Variants in SLC9C1 observed in about 807,000 individuals in gnomAD.
The protein encoded by SLC9C1 is sodium/hydrogen exchanger 10.
SLC9C1 carries 97 observed loss-of-function variants against 140.9 expected under a neutral mutation model. The observed-to-expected ratio is 0.69, with a 90% CI of 0.58 to 0.82. SLC9C1 has a LOEUF of 0.82. Among genes scored for constraint, SLC9C1 ranks in the 40% least tolerant of loss-of-function variants. SLC9C1 has a pLI of 0.00. For synonymous variants in SLC9C1, 440 were observed against 442.6 expected (o/e 0.99, Z 0.07); for missense variants, 1,340 against 1,389.3 (o/e 0.96, Z 0.56).
Position 112,280,755 on chromosome 3 carries a change from A to G in SLC9C1, c.117T>C (p.Phe39=), listed in dbSNP as rs1174676691. ...ATAATATCACAGGGACAGGAATTGG[A>G]AAGTCTTCCAAGTGCCGGTTCAAAA... The part of the protein sequence containing the change: ...GAFLNRHLED[F]PIPVPVILFL... Residue 39 remains phenylalanine, a synonymous_variant, in exon 3 of 29, where the codon TTT becomes TTC. Transcript: ENST00000305815. 3.7e-6 allele frequency: 6 copies of G among 1,611,560 alleles called. No individual in the cohort carries two copies. Among genetic ancestry groups the G allele is most frequent in the South Asian group, 1.1e-5 (1 of 90,192 alleles).
chr3:112,250,055 C>A (rs184572641), intron 10 of SLC9C1, among the ~76,000 whole-genome samples: 1 of 140,108 alleles, frequency 7.1e-6, no homozygotes, highest in Admixed American at 7.1e-5. Flanking sequence ...TAATGCTATC[C>A]CTCCCCCTCC....
At chr3:112,235,075 C>A (rs547185587) in intron 12 of SLC9C1, among the ~76,000 whole-genome samples, 1 of 149,210 alleles carries the variant, frequency 6.7e-6, no homozygotes, top group Admixed American at 6.8e-5. Context: ...GGCAGTATGG[C>A]CATTTTCACG....
chr3:112,290,034 A>C (rs2080632193), intron 1 of SLC9C1, among the ~76,000 whole-genome samples: 1 of 152,210 alleles, frequency 6.6e-6, no homozygotes, highest in Non-Finnish European at 1.5e-5. Context: ...GTTTAGAAAC[A>C]CTGCTCCAGG....
chr3:112,232,339 A>C (rs937947394), intron 12 of SLC9C1, among the ~76,000 whole-genome samples: 2 of 152,202 alleles, frequency 1.3e-5, no homozygotes, highest in African/African-American at 4.8e-5. Flanking sequence ...TTCAGAGAGT[A>C]GGTGAAAACT....
chr3:112,141,491 G>A (rs1022187908), intron 28 of SLC9C1, among the ~76,000 whole-genome samples: 1 of 151,992 alleles, frequency 6.6e-6, no homozygotes, highest in African/African-American at 2.4e-5. Context: ...ATTTAACCTA[G>A]GAGTCAGAGT....
intron 20 of SLC9C1, among the ~76,000 whole-genome samples, chr3:112,196,365 G>A (rs2077768397): frequency 6.6e-6 from 1 of 151,976 alleles, no homozygotes; most frequent in Admixed American, 6.6e-5. Flanking sequence ...TCTAGATGTG[G>A]TTCTGTTTGT....
chr3:112,219,962 T>A (rs554388201), intron 14 of SLC9C1, among the ~76,000 whole-genome samples: 4 of 152,190 alleles, frequency 2.6e-5, no homozygotes, highest in Non-Finnish European at 5.9e-5. Context: ...CTGTACAATG[T>A]GCACCTTTCT....
intron 12 of SLC9C1, 102 bp from the exon 13 acceptor site, chr3:112,231,588 G>A (rs887839131): frequency 2.6e-5 from 30 of 1,135,920 alleles, no homozygotes; most frequent in Non-Finnish European, 3.2e-5. Context: ...TTGAAAAATG[G>A]TAGCAAATCT....
chr3:112,231,211 A>G, intron 13 of SLC9C1, 150 bp downstream of exon 13: 1 of 698,666 alleles, frequency 1.4e-6, no homozygotes, highest in South Asian at 3.0e-5. Context: ...TTTTCTTTCC[A>G]ATCAAGCAGA....
intron 18 of SLC9C1, 88 bp downstream of exon 18, chr3:112,202,162 C>T (rs908364137): frequency 4.3e-6 from 6 of 1,408,916 alleles, no homozygotes; most frequent in East Asian, 2.3e-5. Context: ...GAGTCAAAGA[C>T]ATCTGCATAT....
chr3:112,191,189 T>C, intron 20 of SLC9C1, among the ~76,000 whole-genome samples: 1 of 152,170 alleles, frequency 6.6e-6, no homozygotes, highest in Non-Finnish European at 1.5e-5. Context: ...ATGAGGATGC[T>C]TTTTATTTCT....
chr3:112,154,995 A>G lies in SLC9C1; in HGVS notation c.3417+2T>C. 1 of 1,609,248 alleles carries G rather than the reference A, an allele frequency of 6.2e-7. No homozygotes were observed. ...CTTTTAGAAAGGCTGCTTTAAATTTACCTCCTTAACATTTCTTTCTTCTTG... is the reference window on the plus strand; with the variant it reads ...CTTTTAGAAAGGCTGCTTTAAATTTGCCTCCTTAACATTTCTTTCTTCTTG... On this transcript the variant is annotated splice_donor_variant, in intron 27 of 28. Coordinates refer to ENST00000305815, the MANE Select transcript of SLC9C1 (RefSeq NM_183061.3). LOFTEE classifies it high-confidence loss of function.
intron 12 of SLC9C1, among the ~76,000 whole-genome samples, chr3:112,232,744 T>C (rs1228669564): frequency 6.6e-6 from 1 of 152,112 alleles, no homozygotes; most frequent in Non-Finnish European, 1.5e-5. Flanking sequence ...AGGACAACTT[T>C]TATTATTTCC....
At chr3:112,195,102 A>G (rs943671525) in intron 20 of SLC9C1, among the ~76,000 whole-genome samples, 2 of 152,180 alleles carry the variant, frequency 1.3e-5, no homozygotes, top group Admixed American at 1.3e-4. Context: ...GTGGTTTTTG[A>G]TGCACACACA....
chr3:112,143,341 A>C (rs189400013), intron 28 of SLC9C1, among the ~76,000 whole-genome samples: 2 of 152,302 alleles, frequency 1.3e-5, no homozygotes, highest in East Asian at 3.9e-4. Flanking sequence ...TGGCTGAACT[A>C]GTTTACATTC....
chr3:112,181,571 A>C (rs1428966291), intron 21 of SLC9C1, among the ~76,000 whole-genome samples: 1 of 152,232 alleles, frequency 6.6e-6, no homozygotes, highest in Non-Finnish European at 1.5e-5. Context: ...ATGAGATAAA[A>C]AATATAGTAG....
chr3:112,150,836 ATATATTT>A (rs1560003648), intron 28 of SLC9C1, among the ~76,000 whole-genome samples: 8 of 47,364 alleles, frequency 1.7e-4, no homozygotes, highest in Admixed American at 5.7e-4. Context: ...ATATATATAT[ATATATTT>A]TTTTTTTTTT....
intron 10 of SLC9C1, among the ~76,000 whole-genome samples, chr3:112,253,854 A>C (rs985511670): frequency 3.9e-5 from 6 of 152,176 alleles, no homozygotes; most frequent in African/African-American, 1.4e-4. Context: ...GAATGGCAAA[A>C]CCAATCCGAG....
At chr3:112,270,700 C>T (rs13090629) in intron 6 of SLC9C1, among the ~76,000 whole-genome samples, 3 of 152,054 alleles carry the variant, frequency 2.0e-5, no homozygotes, top group South Asian at 4.2e-4. Flanking sequence ...CCTGTAATCC[C>T]GGCTACCTGG....
Sources: gnomAD v4.1 joint callset for allele counts (sites outside exome capture counted in the v4.1 genomes callset) on GRCh38, gnomAD v4.1.1 for gene constraint, MANE v1.5 for transcripts, NCBI Gene and HGNC (gene_info 2026-07-23, HGNC 2026-07-21) for gene names.